The following ANKDD1B variants were observed in gnomAD, a reference collection of about 807,000 sequenced individuals.
ANKDD1B encodes ankyrin repeat and death domain-containing protein 1B.
ANKDD1B carries 57 observed loss-of-function variants against 59.7 expected under a neutral mutation model. The observed-to-expected ratio is 0.95, with a 90% CI of 0.77 to 1.19. ANKDD1B has a LOEUF of 1.19. Ranked by LOEUF, ANKDD1B falls within the 50% of genes most tolerant of loss-of-function variation. The probability of loss-of-function intolerance (pLI) is 0.00; values close to 1 mark genes in which losing one functional copy is unlikely to be tolerated. For missense variants in ANKDD1B, 602 were observed against 641.9 expected, an observed-to-expected ratio of 0.94 and a Z score of 0.67; for synonymous variants, 216 against 239.5, an observed-to-expected ratio of 0.90 and a Z score of 0.91.
chr5:75,661,734 A>G (rs575243521), intron 10 of ANKDD1B, among the ~76,000 whole-genome samples: 111 of 152,180 alleles, frequency 7.3e-4, no homozygotes, highest in African/African-American at 2.5e-3. Context: ...CAATGCTACC[A>G]TTTGACTTTG....
intron 7 of ANKDD1B, among the ~76,000 whole-genome samples, chr5:75,637,631 T>A (rs539215957): frequency 2.0e-5 from 3 of 152,334 alleles, no homozygotes; most frequent in African/African-American, 7.2e-5. Flanking sequence ...AAAATATTTA[T>A]TTTATGCTGC....
intron 3 of ANKDD1B, among the ~76,000 whole-genome samples, chr5:75,625,369 T>C (rs902577609): frequency 6.6e-6 from 1 of 152,218 alleles, no homozygotes; most frequent in Admixed American, 6.5e-5. Flanking sequence ...GTCTGGATTT[T>C]ATTCTAATAT....
chr5:75,648,956 A>G (rs73763321), intron 7 of ANKDD1B, among the ~76,000 whole-genome samples: 53 of 152,208 alleles, frequency 3.5e-4, no homozygotes, highest in African/African-American at 1.2e-3. Context: ...GGGTTGAGTC[A>G]TTTCTAAGGA....
At position 75,671,006 on chromosome 5, in the gene ANKDD1B, C is replaced by T; in HGVS notation, c.1553C>T (p.Thr518Ile). The T allele has an allele frequency of 8.1e-7, 1 of 1,229,922 alleles. No individual in the cohort carries two copies. Among genetic ancestry groups the T allele is most frequent in the Non-Finnish European group, 1.0e-6 (1 of 986,108 alleles). The allele number at this position is 1,229,922 out of a possible 1,614,324, so 76.2% of individuals were successfully genotyped here. Residue 518 changes from threonine to isoleucine, a missense_variant, in exon 14 of 14, where the codon ACT becomes ATT. Physicochemically the swap from Thr to Ile is moderately conservative, Grantham distance 89. This residue lies in a region of ANKDD1B where 280 missense variants were observed against 319.8 expected (regional missense o/e 0.88). Coordinates refer to ENST00000601380, the MANE Select transcript of ANKDD1B (RefSeq NM_001276713.2). ...AAGACTCGTCATTTCAAAAGCAAAA[C>T]TGACTCAAACTCCAAGAAATGTGTA... ...AEKTRHFKSK[T>I]DSNSKKCVVS
chr5:75,613,494 G>T (rs1182421161), intron 1 of ANKDD1B, among the ~76,000 whole-genome samples: 1 of 152,220 alleles, frequency 6.6e-6, no homozygotes, highest in African/African-American at 2.4e-5. Flanking sequence ...ATATATAAAT[G>T]AAGGTAGGTT....
At chr5:75,635,989 G>T in intron 7 of ANKDD1B, 107 bp downstream of exon 7, 1 of 597,244 alleles carries the variant, frequency 1.7e-6, no homozygotes. Flanking sequence ...GTGCCATGGA[G>T]TGTAAAATGT....
At chr5:75,624,674 T>G (rs1773944293) in intron 3 of ANKDD1B, among the ~76,000 whole-genome samples, 1 of 152,232 alleles carries the variant, frequency 6.6e-6, no homozygotes, top group South Asian at 2.1e-4. Flanking sequence ...TCTCCTCCTC[T>G]GGTAACCATA....
chr5:75,668,613 T>G (rs916510671), intron 12 of ANKDD1B, among the ~76,000 whole-genome samples: 5 of 152,260 alleles, frequency 3.3e-5, no homozygotes, highest in African/African-American at 1.2e-4. Context: ...GCAAGGAGCC[T>G]GTAGTGAAGT....
chr5:75,652,521 A>C (rs1451521403), intron 7 of ANKDD1B, among the ~76,000 whole-genome samples: 1 of 152,136 alleles, frequency 6.6e-6, no homozygotes. Flanking sequence ...GGCTCACTGC[A>C]ATCTTTGCCT....
chr5:75,654,242 C>T (rs558444354), intron 8 of ANKDD1B, among the ~76,000 whole-genome samples: 2 of 152,282 alleles, frequency 1.3e-5, no homozygotes, highest in Non-Finnish European at 2.9e-5. Flanking sequence ...ACTGTGGTCT[C>T]TCTTCCATCC....
chr5:75,612,622 ATGTAGGGT>A (rs1187757986), intron 1 of ANKDD1B, among the ~76,000 whole-genome samples: 1 of 152,104 alleles, frequency 6.6e-6, no homozygotes, highest in African/African-American at 2.4e-5. Flanking sequence ...CATGTTCTAG[ATGTAGGGT>A]TGGAGAGAAC....
chr5:75,652,333 C>G (rs551862907), intron 7 of ANKDD1B, among the ~76,000 whole-genome samples: 3 of 152,140 alleles, frequency 2.0e-5, no homozygotes, highest in African/African-American at 7.2e-5. Flanking sequence ...GGCTCTGACA[C>G]TTTTATGGGA....
At chr5:75,668,556 G>GCC (rs1775376126) in intron 12 of ANKDD1B, among the ~76,000 whole-genome samples, 1 of 152,122 alleles carries the variant, frequency 6.6e-6, no homozygotes, top group South Asian at 2.1e-4. Context: ...CAGAGCTCAG[G>GCC]CCCTTCCCTT....
At chr5:75,628,549 A>C (rs1774051961) in intron 5 of ANKDD1B, among the ~76,000 whole-genome samples, 1 of 152,188 alleles carries the variant, frequency 6.6e-6, no homozygotes, top group Non-Finnish European at 1.5e-5. Context: ...TCACCTTCAC[A>C]GTGTTACTCT....
chr5:75,665,920 T>C (rs1775293985), intron 11 of ANKDD1B, among the ~76,000 whole-genome samples: 1 of 152,102 alleles, frequency 6.6e-6, no homozygotes. Context: ...AAGACAAAAA[T>C]AGAAGTCACT....
intron 7 of ANKDD1B, among the ~76,000 whole-genome samples, chr5:75,648,748 A>G (rs1774733836): frequency 6.6e-6 from 1 of 152,168 alleles, no homozygotes; most frequent in South Asian, 2.1e-4. Context: ...TGGGGAGAAA[A>G]GCAGTGTGAA....
At position 75,611,836 on chromosome 5, in the gene ANKDD1B, C is replaced by T. The variant is rs996509804; in HGVS notation, c.193+9C>T. On this transcript the variant is annotated intron_variant, in intron 1 of 13. Coordinates refer to ENST00000601380, the MANE Select transcript of ANKDD1B (RefSeq NM_001276713.2). ...TGCCGGACACGAGCTCCGTGAGTCC[C>T]GGGACGAGGTCTCAGAAAATCAGGC... 9.7e-6 allele frequency: 12 copies of T among 1,231,960 alleles called. No individual in the cohort carries two copies. The East Asian group carries it at 2.2e-4, about 23-fold the overall frequency. 76.3% of individuals were successfully genotyped at this position (1,231,960 alleles called of 1,614,324 possible).
In ANKDD1B at chr5:75,611,567, C is replaced by G; in HGVS notation, c.-68C>G. On this transcript the variant is annotated 5_prime_UTR_variant, in exon 1 of 14. Coordinates refer to ENST00000601380, the MANE Select transcript of ANKDD1B (RefSeq NM_001276713.2). ...GCCTGCCTGGGTCTGGATCTGTGTC[C>G]GAGTCTGGGTCTGGATCTGGGTCCG... is the stretch of plus-strand genomic sequence containing the variant. The G allele has an allele frequency of 1.9e-6, 2 of 1,062,864 alleles. No individual in the cohort carries two copies. The highest frequency in any genetic ancestry group is 5.0e-5 in the Admixed American group (1 of 19,840). The allele number at this position is 1,062,864 out of a possible 1,614,324, so 65.8% of individuals were successfully genotyped here. A position where few individuals can be genotyped will look rare whatever the true frequency, so the allele number is the denominator to read the frequency against.
At chr5:75,620,244 T>G in intron 2 of ANKDD1B, 71 bp from the exon 3 acceptor site, 1 of 738,638 alleles carries the variant, frequency 1.4e-6, no homozygotes, top group Admixed American at 2.8e-5. Flanking sequence ...GTGTGGCCAT[T>G]CAAGAAACAG....
Sources: allele counts gnomAD v4.1 joint callset (sites outside exome capture counted in the v4.1 genomes callset), GRCh38; gene constraint gnomAD v4.1.1; regional missense constraint gnomAD v4.1.1; transcripts MANE v1.5; gene names NCBI Gene and HGNC (gene_info 2026-07-23, HGNC 2026-07-21).